LRP1B: variants seen among roughly 807,000 people sequenced by gnomAD.
The protein encoded by LRP1B is LDL receptor related protein 1B.
A neutral mutation model predicts 556.6 loss-of-function variants in LRP1B; 217 were observed. The observed-to-expected ratio is 0.39, with a 90% CI of 0.35 to 0.44. LRP1B has a LOEUF of 0.44. LRP1B is among the 20% of genes least tolerant of loss of function. The pLI is 1.00. For synonymous variants in LRP1B, 2,047 were observed against 1,865.8 expected, an observed-to-expected ratio of 1.10 and a Z score of -2.50; for missense variants, 5,053 against 5,620.8, an observed-to-expected ratio of 0.90 and a Z score of 3.23.
chr2:141,997,020 C>T (rs1316124910), intron 1 of LRP1B, among the ~76,000 whole-genome samples: 5 of 152,126 alleles, frequency 3.3e-5, no homozygotes, highest in South Asian at 2.1e-4. Context: ...CAGAGCATCA[C>T]TCTGCAGATC....
In LRP1B at chr2:141,364,322, AAT is replaced by A. The variant is rs1339772693; in HGVS notation, c.344-109683_344-109682del. 4.4e-3 allele frequency among the ~76,000 whole-genome samples: 662 copies of A among 149,788 alleles called. 7 individuals are homozygous for A. The highest frequency in any genetic ancestry group is 0.016 in the African/African-American group (640 of 40,248). ...AAACACACACACAGTTGAATGATTA[AAT>A]CACATACACAGTGGAATAATTAAAT... On this transcript the variant is annotated intron_variant, in intron 3 of 90. Transcript: ENST00000389484.
chr2:141,473,271 A>G (rs796949002), intron 3 of LRP1B, among the ~76,000 whole-genome samples: 15 of 152,364 alleles, frequency 9.8e-5, no homozygotes, highest in African/African-American at 3.6e-4. Context: ...ATATACGTTT[A>G]TATATACACA....
intron 1 of LRP1B, among the ~76,000 whole-genome samples, chr2:141,959,742 T>A (rs1246907180): frequency 6.6e-6 from 1 of 151,978 alleles, no homozygotes. Context: ...GTATTAAGTC[T>A]TTGGAATCTG....
intron 1 of LRP1B, among the ~76,000 whole-genome samples, chr2:141,887,776 T>C (rs1231891604): frequency 6.6e-6 from 1 of 152,218 alleles, no homozygotes; most frequent in South Asian, 2.1e-4. Flanking sequence ...CACAAAGTCA[T>C]CTTCACAATT....
At chr2:140,627,089 A>T (rs145430261) in intron 41 of LRP1B, among the ~76,000 whole-genome samples, 205 of 152,344 alleles carry the variant, frequency 1.3e-3, no homozygotes, top group African/African-American at 4.8e-3. Context: ...GACCAGAAGT[A>T]CTTTAATAAT....
chr2:141,618,925 T>C (rs1043454640), intron 2 of LRP1B, among the ~76,000 whole-genome samples: 2 of 152,210 alleles, frequency 1.3e-5, no homozygotes. Flanking sequence ...AAATACATTA[T>C]ATATTGGTAG....
rs114165992 is a variant in LRP1B at position 140,772,964 on chromosome 2, G to A, written c.5501-1958C>T. ...AAAAAACAAAAATTAGCCAGGTGTG[G>A]TGGCTACACCTGTAATACCAACTAC... On this transcript the variant is annotated intron_variant, in intron 33 of 90. Transcript: ENST00000389484. Among the ~76,000 whole-genome samples, 1,201 of 152,124 alleles carry A rather than the reference G, an allele frequency of 7.9e-3. 19 individuals are homozygous for A. Among genetic ancestry groups the A allele is most frequent in the African/African-American group, 0.028 (1,154 of 41,534 alleles).
At chr2:141,934,540 G>A (rs1196610274) in intron 1 of LRP1B, among the ~76,000 whole-genome samples, 1 of 152,026 alleles carries the variant, frequency 6.6e-6, no homozygotes, top group Non-Finnish European at 1.5e-5. Flanking sequence ...AAATAATTCA[G>A]ATTACCCATT....
chr2:141,742,338 G>A (rs1281764798), intron 2 of LRP1B, among the ~76,000 whole-genome samples: 1 of 149,760 alleles, frequency 6.7e-6, no homozygotes, highest in East Asian at 2.0e-4. Flanking sequence ...TGACACGGCC[G>A]CCTCCCAGGT....
chr2:140,598,583 A>G (rs965361005), intron 43 of LRP1B, 48 bp downstream of exon 43: 11 of 1,394,744 alleles, frequency 7.9e-6, no homozygotes, highest in African/African-American at 1.4e-5. Flanking sequence ...CATGTTTTAA[A>G]TATATCATTG....
At chr2:142,015,695 C>A (rs1049682297) in intron 1 of LRP1B, among the ~76,000 whole-genome samples, 2 of 151,938 alleles carry the variant, frequency 1.3e-5, no homozygotes, top group African/African-American at 4.8e-5. Context: ...TCAACCCCAT[C>A]AAAAAGTGGG....
rs1174870911 is a variant in LRP1B at position 140,350,842 on chromosome 2, T to C, written c.11847A>G (p.Lys3949=). ...GCCTTTTTTCTCTGCCATGGATCCTTTTGTAGAAAATTCCGCCTGGATTAA... is the reference window on the plus strand; with the variant it reads ...GCCTTTTTTCTCTGCCATGGATCCTCTTGTAGAAAATTCCGCCTGGATTAA... ...TQFNPGGIFY[K]RIHGREKRQA... is the part of the protein sequence containing the mutation. Residue 3949 remains lysine, a synonymous_variant, in exon 77 of 91, where the codon AAA becomes AAG. Transcript: ENST00000389484. 8.1e-6 allele frequency: 13 copies of C among 1,611,532 alleles called. No individual in the cohort carries two copies. The highest frequency in any genetic ancestry group is 1.1e-5 in the Non-Finnish European group (13 of 1,178,624).
chr2:141,157,201 G>T (rs576538988), intron 7 of LRP1B, among the ~76,000 whole-genome samples: 7 of 152,078 alleles, frequency 4.6e-5, no homozygotes, highest in Admixed American at 3.3e-4. Context: ...TAAAACATAG[G>T]AATATAAAAG....
At chr2:140,742,961 G>A (rs948606793) in intron 35 of LRP1B, among the ~76,000 whole-genome samples, 12 of 152,088 alleles carry the variant, frequency 7.9e-5, no homozygotes, top group Middle Eastern at 3.4e-3. Flanking sequence ...CATTACCACT[G>A]GGGGAATTTG....
At chr2:141,811,557 G>GCA (rs1696359684) in intron 1 of LRP1B, among the ~76,000 whole-genome samples, 8 of 152,024 alleles carry the variant, frequency 5.3e-5, no homozygotes, top group African/African-American at 1.7e-4. Context: ...ATAAATTTCA[G>GCA]TAAATATGCA....
chr2:141,219,843 C>T (rs1318532562), intron 6 of LRP1B, among the ~76,000 whole-genome samples: 1 of 152,114 alleles, frequency 6.6e-6, no homozygotes, highest in East Asian at 1.9e-4. Context: ...AGCAGCCCTA[C>T]AGAAGATGGG....
intron 77 of LRP1B, 39 bp from the exon 78 acceptor site, chr2:140,335,877 CA>C: frequency 7.6e-7 from 1 of 1,322,754 alleles, no homozygotes. Flanking sequence ...GTATTTTCAA[CA>C]GGAAATTAGC....
At chr2:141,614,779 AT>A (rs1335482884) in intron 2 of LRP1B, among the ~76,000 whole-genome samples, 1 of 152,210 alleles carries the variant, frequency 6.6e-6, no homozygotes, top group Non-Finnish European at 1.5e-5. Flanking sequence ...TGACACTCTG[AT>A]TTCAGACTTC....
At chr2:140,681,973 G>A (rs930361436) in intron 41 of LRP1B, among the ~76,000 whole-genome samples, 2 of 152,200 alleles carry the variant, frequency 1.3e-5, no homozygotes, top group African/African-American at 4.8e-5. Context: ...ATGTGTGGAT[G>A]TAACTATATG....
Sources: allele counts gnomAD v4.1 joint callset (sites outside exome capture counted in the v4.1 genomes callset), GRCh38; gene constraint gnomAD v4.1.1; transcripts MANE v1.5; gene names NCBI Gene and HGNC (gene_info 2026-07-23, HGNC 2026-07-21).